The following NEGR1 variants were observed in gnomAD, a reference collection of about 807,000 sequenced individuals.
NEGR1 encodes the protein IgLON family member 4.
A neutral mutation model predicts 40.9 loss-of-function variants in NEGR1; 10 were observed. The ratio of observed to expected loss-of-function variants is 0.24; its 90% CI spans 0.15 to 0.42. NEGR1 has a LOEUF of 0.42. Ranked by LOEUF, NEGR1 falls within the 10% of genes least tolerant of loss-of-function variation. The pLI, the probability that NEGR1 is intolerant of heterozygous loss-of-function variation, is 1.00. For synonymous variants in NEGR1, 185 were observed against 166.8 expected, an observed-to-expected ratio of 1.11 and a Z score of -0.84; for missense variants, 352 against 438.9, an observed-to-expected ratio of 0.80 and a Z score of 1.77.
At chr1:71,603,597 G>T (rs920515923) in intron 5 of NEGR1, among the ~76,000 whole-genome samples, 1 of 152,142 alleles carries the variant, frequency 6.6e-6, no homozygotes, top group Admixed American at 6.5e-5. Flanking sequence ...AGGTAAAGTT[G>T]CATGTTGTTA....
At chr1:72,152,794 T>G (rs541584808) in intron 1 of NEGR1, among the ~76,000 whole-genome samples, 1 of 151,960 alleles carries the variant, frequency 6.6e-6, no homozygotes, top group African/African-American at 2.4e-5. Context: ...ACCATAAAAA[T>G]ATTTTCATAA....
chr1:72,232,070 T>C (rs111906730), intron 1 of NEGR1, among the ~76,000 whole-genome samples: 124 of 152,026 alleles, frequency 8.2e-4, no homozygotes, highest in Middle Eastern at 3.4e-3. Context: ...TTAAGAAGCT[T>C]TGGGGCCGGG....
chr1:72,070,683 C>T (rs921620227), intron 1 of NEGR1, among the ~76,000 whole-genome samples: 3 of 151,760 alleles, frequency 2.0e-5, no homozygotes, highest in Non-Finnish European at 4.4e-5. Flanking sequence ...ATTGGCAATC[C>T]CTGACTCCAC....
intron 6 of NEGR1, among the ~76,000 whole-genome samples, chr1:71,455,315 TTGAATGAC>T (rs1159249291): frequency 2.0e-5 from 3 of 152,344 alleles, no homozygotes; most frequent in South Asian, 2.1e-4. Context: ...TAAGTATTAA[TTGAATGAC>T]TGAATGACTG....
chr1:72,095,642 CA>C (rs1648668649), intron 1 of NEGR1, among the ~76,000 whole-genome samples: 1 of 151,706 alleles, frequency 6.6e-6, no homozygotes, highest in African/African-American at 2.4e-5. Flanking sequence ...TCTACATATA[CA>C]TATATATATT....
intron 4 of NEGR1, among the ~76,000 whole-genome samples, chr1:71,645,360 C>T (rs1651496048): frequency 6.6e-6 from 1 of 151,898 alleles, no homozygotes; most frequent in Admixed American, 6.6e-5. Flanking sequence ...ACTAAATATT[C>T]AGGACAGCAG....
chr1:71,535,963 A>G (rs17569138), intron 6 of NEGR1, among the ~76,000 whole-genome samples: 5,763 of 151,854 alleles, frequency 0.038, 143 homozygotes, highest in Non-Finnish European at 0.059. Flanking sequence ...TGTACTTTAT[A>G]TAAACAACCA....
In NEGR1 at chr1:71,949,781, C is replaced by T. The variant is rs557984282; in HGVS notation, c.177-14470G>A. 3.0e-4 allele frequency among the ~76,000 whole-genome samples: 45 copies of T among 152,146 alleles called. No individual in the cohort carries two copies. The South Asian group carries it at 3.7e-3, about 13-fold the overall frequency. ...AACTGCCCACTGTCTAGAGAGTCTCCTTTTATCTTCTTGTTCATTTTACTT... is the reference window on the plus strand; with the variant it reads ...AACTGCCCACTGTCTAGAGAGTCTCTTTTTATCTTCTTGTTCATTTTACTT... On this transcript the variant is annotated intron_variant, in intron 1 of 6. Transcript: ENST00000357731.
chr1:71,971,156 G>A (rs1400732305), intron 1 of NEGR1, among the ~76,000 whole-genome samples: 2 of 152,200 alleles, frequency 1.3e-5, no homozygotes, highest in Non-Finnish European at 2.9e-5. Context: ...AATGTGTGAA[G>A]CCACCAGAAC....
chr1:71,982,817 T>C (rs1054555656), intron 1 of NEGR1, among the ~76,000 whole-genome samples: 1 of 152,122 alleles, frequency 6.6e-6, no homozygotes, highest in Non-Finnish European at 1.5e-5. Context: ...AAATGAAATA[T>C]AATTTATAAA....
intron 1 of NEGR1, among the ~76,000 whole-genome samples, chr1:72,142,224 T>C (rs914173444): frequency 2.6e-5 from 4 of 151,878 alleles, no homozygotes; most frequent in Admixed American, 6.6e-5. Context: ...GTTAAGGAGG[T>C]TCTACTATGT....
At chr1:72,163,365 C>A (rs1457241307) in intron 1 of NEGR1, among the ~76,000 whole-genome samples, 1 of 152,072 alleles carries the variant, frequency 6.6e-6, no homozygotes, top group African/African-American at 2.4e-5. Flanking sequence ...CTACTGTATG[C>A]ATTTAAAGTA....
intron 3 of NEGR1, among the ~76,000 whole-genome samples, chr1:71,713,092 C>T (rs1445728405): frequency 6.6e-6 from 1 of 152,206 alleles, no homozygotes; most frequent in Admixed American, 6.5e-5. Context: ...TTCCTTTTGA[C>T]TGCCTTATCT....
intron 2 of NEGR1, among the ~76,000 whole-genome samples, chr1:71,807,892 A>G (rs1657837563): frequency 6.6e-6 from 1 of 152,198 alleles, no homozygotes; most frequent in African/African-American, 2.4e-5. Flanking sequence ...AAATATAAAA[A>G]TGCATAAAAA....
intron 2 of NEGR1, among the ~76,000 whole-genome samples, chr1:71,904,719 A>C (rs775995998): frequency 5.9e-5 from 9 of 152,126 alleles, no homozygotes; most frequent in Non-Finnish European, 1.0e-4. Context: ...CATTTATTAG[A>C]ATTTCTGCTT....
intron 1 of NEGR1, among the ~76,000 whole-genome samples, chr1:72,198,143 T>A (rs2100441558): frequency 6.6e-6 from 1 of 152,148 alleles, no homozygotes; most frequent in African/African-American, 2.4e-5. Context: ...CCTTCACTTT[T>A]TAGACGGTTG....
intron 1 of NEGR1, among the ~76,000 whole-genome samples, chr1:71,967,320 T>G (rs1353967325): frequency 6.6e-6 from 1 of 152,106 alleles, no homozygotes; most frequent in Non-Finnish European, 1.5e-5. Context: ...TAGTAAGCAG[T>G]CAGGGAAAGA....
intron 1 of NEGR1, among the ~76,000 whole-genome samples, chr1:72,186,202 T>TGA (rs1557568695): frequency 1.3e-5 from 2 of 151,896 alleles, no homozygotes; most frequent in Non-Finnish European, 3.0e-5. Flanking sequence ...TGCCACCTGT[T>TGA]GATTTGTCCC....
chr1:71,430,701 GCC>G (rs1646460034), intron 6 of NEGR1, among the ~76,000 whole-genome samples: 1 of 118,276 alleles, frequency 8.5e-6, no homozygotes, highest in African/African-American at 3.0e-5. Context: ...TTAAAAAAAG[GCC>G]TTTTTTTTTT....
Sources: allele counts gnomAD v4.1 joint callset (sites outside exome capture counted in the v4.1 genomes callset), GRCh38; gene constraint gnomAD v4.1.1; transcripts MANE v1.5; gene names NCBI Gene and HGNC (gene_info 2026-07-23, HGNC 2026-07-21).